The following ZNF814 variants were observed in gnomAD, a reference collection of about 807,000 sequenced individuals.
ZNF814 encodes zinc finger protein 814.
A neutral mutation model predicts 7.5 loss-of-function variants in ZNF814; 5 were observed. The ratio of observed to expected loss-of-function variants is 0.67; its 90% CI spans 0.35 to 1.40. ZNF814 has a LOEUF of 1.40. Among genes scored for constraint, ZNF814 ranks in the 40% most tolerant of loss-of-function variants. The probability of loss-of-function intolerance (pLI) is 0.04; values close to 1 mark genes in which losing one functional copy is unlikely to be tolerated. For missense variants in ZNF814, 962 were observed against 1,018.0 expected (o/e 0.94, Z 0.75); for synonymous variants, 315 against 340.7 (o/e 0.92, Z 0.83).
At chr19:57,891,098 CCT>C (rs2071732083), upstream of ZNF814, among the ~76,000 whole-genome samples, 1 of 152,118 alleles carries the variant, frequency 6.6e-6, no homozygotes, top group Non-Finnish European at 1.5e-5. Flanking sequence ...ATGAGAGTGA[CCT>C]CTGGTCGTCC....
intron 1 of ZNF814, among the ~76,000 whole-genome samples, chr19:57,882,992 G>T (rs1331228849): frequency 6.6e-6 from 1 of 152,160 alleles, no homozygotes; most frequent in South Asian, 2.1e-4. Context: ...CTATTTTGAG[G>T]AATTTCTCAA....
chr19:57,896,083 G>T, the ZNF814 span, among the ~76,000 whole-genome samples: 1 of 151,086 alleles, frequency 6.6e-6, no homozygotes, highest in African/African-American at 2.4e-5. The surrounding 1 kb of genome is among the most constrained non-coding windows in gnomAD (Gnocchi z 4.2). Flanking sequence ...ACAGAGGGGT[G>T]CCTCTTTGGC....
intron 1 of ZNF814, among the ~76,000 whole-genome samples, chr19:57,878,708 C>G (rs1022850777): frequency 6.6e-6 from 1 of 152,154 alleles, no homozygotes; most frequent in African/African-American, 2.4e-5. Context: ...ATCCACCCGC[C>G]TCAGCCTACT....
At chr19:57,876,780 C>G (rs1186228982) in intron 2 of ZNF814, 136 bp downstream of exon 2, 1 of 1,454,902 alleles carries the variant, frequency 6.9e-7, no homozygotes, top group Non-Finnish European at 9.2e-7. Context: ...CTCAGACCTA[C>G]CAACCAAGAA....
Position 57,873,120 on chromosome 19 carries a change from G to T in ZNF814, c.2270C>A (p.Ser757Tyr), listed in dbSNP as rs1181943558. The change falls in exon 3 of 3, where the codon TCT (serine) becomes TAT (tyrosine). Residue 757 changes from serine to tyrosine, a missense_variant. Coordinates refer to ENST00000435989, the MANE Select transcript of ZNF814 (RefSeq NM_001144989.2). ...NDCGKSFTHSSTFCVHKRIHT... is the reference protein window; with the variant it reads ...NDCGKSFTHSYTFCVHKRIHT... ...AATTCGCTTATGAACACAGAATGTAGAGCTGTGGGTAAATGATTTTCCACA... is the reference window on the plus strand; with the variant it reads ...AATTCGCTTATGAACACAGAATGTATAGCTGTGGGTAAATGATTTTCCACA... 3 of 1,613,884 alleles carry T rather than the reference G, an allele frequency of 1.9e-6. No homozygotes were observed. In the South Asian group the frequency reaches 3.3e-5, roughly 18 times the overall value.
At chr19:57,887,684 T>C (rs889765029) in intron 1 of ZNF814, among the ~76,000 whole-genome samples, 7 of 152,122 alleles carry the variant, frequency 4.6e-5, no homozygotes, top group African/African-American at 1.7e-4. Flanking sequence ...CCCACCCCCC[T>C]TTCCTCAAGG....
Position 57,873,751 on chromosome 19 carries a change from G to C in ZNF814, c.1639C>G (p.Leu547Val), listed in dbSNP as rs757743044. The change falls in exon 3 of 3, where the codon CTT (leucine) becomes GTT (valine). Residue 547 changes from leucine to valine, a missense_variant. By Grantham distance (32) the Leu-to-Val change is conservative (BLOSUM62 1). Around this residue, in one of 7 missense-constraint regions of ZNF814, gnomAD observed 665 missense variants for 551.4 expected, o/e 1.21. Transcript: ENST00000435989. ...NHQQIHTGDR[L>V]YECGECGKSF... ...TTCCCACACTCTCCACACTCATAAA[G>C]TCTGTCCCCAGTGTGAATTTGCTGA... The C allele has an allele frequency of 6.2e-7, 1 of 1,613,654 alleles. No individual in the cohort carries two copies. The highest frequency in any genetic ancestry group is 8.5e-7 in the Non-Finnish European group (1 of 1,179,880).
chr19:57,894,236 G>A, the ZNF814 span, among the ~76,000 whole-genome samples: 7,761 of 151,224 alleles, frequency 0.051, 281 homozygotes, highest in Middle Eastern at 0.077. Flanking sequence ...AGCTGGACAT[G>A]GTGGCTGTAG....
At chr19:57,880,601 CCTTTTTTTTTT>C (rs1429966792) in intron 1 of ZNF814, among the ~76,000 whole-genome samples, 2 of 133,904 alleles carry the variant, frequency 1.5e-5, no homozygotes, top group Non-Finnish European at 3.1e-5. Flanking sequence ...TAACAGAACA[CCTTTTTTTTTT>C]CTTTTTTTTT....
At chr19:57,893,713 G>A (rs150612944), upstream of ZNF814, among the ~76,000 whole-genome samples, 173 of 151,838 alleles carry the variant, frequency 1.1e-3, 2 homozygotes, top group East Asian at 0.032. Context: ...GAGGCCAGGA[G>A]TTCGAGACCA....
At chr19:57,892,746 T>TG (rs912209256), upstream of ZNF814, among the ~76,000 whole-genome samples, 121 of 151,862 alleles carry the variant, frequency 8.0e-4, no homozygotes, top group East Asian at 8.3e-3. Flanking sequence ...GCAATGGGAG[T>TG]GGGGGGGGCT....
chr19:57,902,661 CTT>C, the ZNF814 span, among the ~76,000 whole-genome samples: 351 of 151,500 alleles, frequency 2.3e-3, no homozygotes, highest in African/African-American at 8.1e-3. Flanking sequence ...AAATATTACT[CTT>C]CTTTTTTTTT....
rs530408079 is a variant in ZNF814, at chr19:57,888,836, T to C, written c.-34A>G. The C allele has an allele frequency of 2.3e-5, 35 of 1,551,140 alleles. No homozygotes were observed. The highest frequency in any genetic ancestry group is 1.8e-4 in the South Asian group (15 of 84,032). ...GTGGTTTTAAGCAGAGTCGGGAGGA[T>C]AGGGCGACCAGCCAGGAGATATGGG... On this transcript the variant is annotated 5_prime_UTR_variant, in exon 1 of 3. Transcript: ENST00000435989.
chr19:57,898,038 T>C, the ZNF814 span, among the ~76,000 whole-genome samples: 1 of 152,206 alleles, frequency 6.6e-6, no homozygotes, highest in South Asian at 2.1e-4. Context: ...ACAGTAACCA[T>C]CCAAGGAAAG....
chr19:57,891,946 G>A (rs2071737168), upstream of ZNF814, among the ~76,000 whole-genome samples: 1 of 152,100 alleles, frequency 6.6e-6, no homozygotes, highest in African/African-American at 2.4e-5. Flanking sequence ...TATAAACACG[G>A]TTTCACTATG....
chr19:57,893,416 T>A (rs1021498802), upstream of ZNF814, among the ~76,000 whole-genome samples: 1 of 151,614 alleles, frequency 6.6e-6, no homozygotes, highest in Non-Finnish European at 1.5e-5. Context: ...TCAGGTGATC[T>A]GCCCGCCTGG....
rs141088026 is a variant in ZNF814, at chr19:57,887,731, G to C, written c.36+1036C>G. Among the ~76,000 whole-genome samples the C allele has an allele frequency of 4.2e-3, 646 of 152,216 alleles. 2 individuals carry two copies. Among genetic ancestry groups the C allele is most frequent in the African/African-American group, 0.015 (606 of 41,534 alleles). ...GTAAGCAGATTCTCAACATATCAAA[G>C]GAGTCCAATTAACTGATAAGGGACT... On this transcript the variant is annotated intron_variant, in intron 1 of 2. Coordinates refer to ENST00000435989, the MANE Select transcript of ZNF814 (RefSeq NM_001144989.2).
upstream of ZNF814, among the ~76,000 whole-genome samples, chr19:57,891,311 G>A (rs957358122): frequency 3.3e-5 from 5 of 151,376 alleles, no homozygotes; most frequent in Non-Finnish European, 7.4e-5. Context: ...GGATCACAAG[G>A]TCAGGAGATC....
rs990037543 is a variant in ZNF814, at chr19:57,869,440, T to C, written c.*3382A>G. The C allele has an allele frequency of 1.3e-4, 19 of 151,814 alleles. No homozygotes were observed. The highest frequency in any genetic ancestry group is 8.5e-4 in the Admixed American group (13 of 15,218). 9.4% of individuals were successfully genotyped at this position (151,814 alleles called of 1,614,324 possible). On this transcript the variant is annotated 3_prime_UTR_variant, in exon 3 of 3. Transcript: ENST00000435989. ...TAACATTCCAGAAAATGGAAAGTAC[T>C]CTACTGTACAGCAAAGTAAATCATT...
Sources: allele counts gnomAD v4.1 joint callset (sites outside exome capture counted in the v4.1 genomes callset), GRCh38; gene constraint gnomAD v4.1.1; regional missense constraint gnomAD v4.1.1; non-coding constraint Gnocchi (gnomAD v3.1); transcripts MANE v1.5; gene names NCBI Gene and HGNC (gene_info 2026-07-23, HGNC 2026-07-21).